PTCHD4: variants seen among roughly 807,000 people sequenced by gnomAD.
PTCHD4 encodes patched domain containing 4.
Under a neutral mutation model 58.1 loss-of-function variants are expected in PTCHD4, and 33 were observed. That is an observed-to-expected ratio of 0.57 (90% CI 0.43 to 0.76). The LOEUF (loss-of-function observed/expected upper bound fraction) is 0.76, where lower values mean the gene tolerates loss of function less well. PTCHD4 is among the 30% of genes least tolerant of loss of function. PTCHD4 has a pLI of 0.00. For synonymous variants in PTCHD4, 478 were observed against 409.6 expected, an observed-to-expected ratio of 1.17 and a Z score of -2.02; for missense variants, 1,058 against 1,027.1, an observed-to-expected ratio of 1.03 and a Z score of -0.41.
chr6:48,024,409 T>C (rs2114117820), intron 3 of PTCHD4, among the ~76,000 whole-genome samples: 1 of 152,218 alleles, frequency 6.6e-6, no homozygotes, highest in African/African-American at 2.4e-5. Context: ...AACTTGCTCT[T>C]AGGTCAACAC....
At chr6:47,981,482 C>T (rs915768550) in intron 4 of PTCHD4, among the ~76,000 whole-genome samples, 4 of 151,728 alleles carry the variant, frequency 2.6e-5, no homozygotes, top group East Asian at 1.9e-4. Context: ...CCCCTAGAGG[C>T]GTCATGGTGT....
At chr6:48,077,402 C>T (rs537881073) in intron 1 of PTCHD4, among the ~76,000 whole-genome samples, 13 of 152,266 alleles carry the variant, frequency 8.5e-5, no homozygotes, top group Non-Finnish European at 1.6e-4. Context: ...TTAGTGTATC[C>T]ACTTGCATTC....
intron 3 of PTCHD4, among the ~76,000 whole-genome samples, chr6:48,025,991 C>G (rs1033714606): frequency 6.6e-6 from 1 of 152,166 alleles, no homozygotes; most frequent in Non-Finnish European, 1.5e-5. Flanking sequence ...CATGACCTCA[C>G]AGCTATTGCT....
At chr6:48,032,924 G>A (rs1582051423) in intron 3 of PTCHD4, among the ~76,000 whole-genome samples, 2 of 151,996 alleles carry the variant, frequency 1.3e-5, no homozygotes, top group East Asian at 3.9e-4. Context: ...AGGTGGAATC[G>A]GTGTTTGATT....
intron 4 of PTCHD4, chr6:47,901,382 C>CATTA: frequency 1.1e-6 from 1 of 923,720 alleles, no homozygotes; most frequent in Non-Finnish European, 1.3e-6. Context: ...GGGAAGTGTT[C>CATTA]ATTACTCTTT....
chr6:48,062,382 C>T (rs1458630765), intron 3 of PTCHD4, among the ~76,000 whole-genome samples: 2 of 151,818 alleles, frequency 1.3e-5, no homozygotes, highest in Non-Finnish European at 2.9e-5. Flanking sequence ...TTCTGAACCA[C>T]TAAAGGAAAC....
At chr6:48,033,557 G>A (rs535283822) in intron 3 of PTCHD4, among the ~76,000 whole-genome samples, 2 of 151,468 alleles carry the variant, frequency 1.3e-5, no homozygotes, top group African/African-American at 4.9e-5. Flanking sequence ...AAACGCCCCA[G>A]GCCATATGTA....
At position 48,068,711 on chromosome 6, in the gene PTCHD4, C is replaced by T. The variant is rs1764896228; in HGVS notation, c.6-70G>A. 1 of 1,418,166 alleles carries T rather than the reference C, an allele frequency of 7.1e-7. No individual in the cohort carries two copies. The highest frequency in any genetic ancestry group is 9.4e-7 in the Non-Finnish European group (1 of 1,067,834). 87.8% of individuals were successfully genotyped at this position (1,418,166 alleles called of 1,614,324 possible). On this transcript the variant is annotated intron_variant, in intron 2 of 4. Coordinates refer to ENST00000339488, the MANE Select transcript of PTCHD4 (RefSeq NM_001384253.1). The surrounding 1 kb of genome is among the most constrained non-coding windows in gnomAD (Gnocchi z 4.2). ...TCTCCCCCATCCCACCCCCTGGGGCCAGTCCCCCCTCCCCACCGCCGCCGC... is the reference window on the plus strand; with the variant it reads ...TCTCCCCCATCCCACCCCCTGGGGCTAGTCCCCCCTCCCCACCGCCGCCGC...
intron 1 of PTCHD4, among the ~76,000 whole-genome samples, chr6:48,104,010 A>C (rs1319470315): frequency 6.6e-6 from 1 of 152,250 alleles, no homozygotes; most frequent in Non-Finnish European, 1.5e-5. Flanking sequence ...GAATGGAACC[A>C]AGTTGGAAAA....
chr6:48,065,445 A>G (rs561391306), intron 3 of PTCHD4, among the ~76,000 whole-genome samples: 1 of 152,178 alleles, frequency 6.6e-6, no homozygotes, highest in Non-Finnish European at 1.5e-5. Context: ...TTTTCCTCAA[A>G]TCTTGTACAC....
intron 1 of PTCHD4, among the ~76,000 whole-genome samples, chr6:48,095,583 G>A (rs1396189362): frequency 2.0e-5 from 3 of 152,000 alleles, no homozygotes; most frequent in Non-Finnish European, 4.4e-5. Flanking sequence ...CCAGTTATTC[G>A]GGAGGCTGAG....
At chr6:48,056,267 A>G (rs969361682) in intron 3 of PTCHD4, among the ~76,000 whole-genome samples, 1 of 152,226 alleles carries the variant, frequency 6.6e-6, no homozygotes, top group African/African-American at 2.4e-5. Context: ...GGAAAATAAG[A>G]AAGGTTCTAA....
At chr6:47,892,782 T>A (rs984935936) in intron 4 of PTCHD4, among the ~76,000 whole-genome samples, 1 of 152,138 alleles carries the variant, frequency 6.6e-6, no homozygotes, top group Non-Finnish European at 1.5e-5. Context: ...AAAGGACAAG[T>A]TTTAAGGGGC....
chr6:47,930,983 C>G (rs907934935), intron 4 of PTCHD4, among the ~76,000 whole-genome samples: 1 of 152,114 alleles, frequency 6.6e-6, no homozygotes, highest in African/African-American at 2.4e-5. Context: ...TGGGGTTTCA[C>G]CATGTTGGCT....
chr6:47,947,747 A>G (rs917668511), intron 4 of PTCHD4, among the ~76,000 whole-genome samples: 1 of 152,036 alleles, frequency 6.6e-6, no homozygotes, highest in Admixed American at 6.6e-5. Context: ...ATATTTGGAT[A>G]TGGATATCTT....
intron 4 of PTCHD4, among the ~76,000 whole-genome samples, chr6:47,937,980 C>T (rs1279782310): frequency 6.6e-6 from 1 of 151,928 alleles, no homozygotes; most frequent in African/African-American, 2.4e-5. Context: ...TGGTGAAACC[C>T]CATCTCTACT....
At chr6:48,091,957 C>T (rs1225101155) in intron 1 of PTCHD4, among the ~76,000 whole-genome samples, 1 of 151,752 alleles carries the variant, frequency 6.6e-6, no homozygotes, top group African/African-American at 2.4e-5. Flanking sequence ...ATTCTATTTT[C>T]TAAGATGCCC....
At chr6:47,990,005 G>T (rs1166122984) in intron 4 of PTCHD4, among the ~76,000 whole-genome samples, 1 of 152,228 alleles carries the variant, frequency 6.6e-6, no homozygotes, top group Admixed American at 6.5e-5. Flanking sequence ...GGGTGGAGCT[G>T]CCAAGACCAT....
intron 4 of PTCHD4, among the ~76,000 whole-genome samples, chr6:47,912,222 A>G (rs1000310277): frequency 1.3e-5 from 2 of 152,100 alleles, no homozygotes; most frequent in Non-Finnish European, 2.9e-5. Context: ...TCCTTCATGC[A>G]ACTAGACAAT....
Sources: allele counts gnomAD v4.1 joint callset (sites outside exome capture counted in the v4.1 genomes callset), GRCh38; gene constraint gnomAD v4.1.1; non-coding constraint Gnocchi (gnomAD v3.1); transcripts MANE v1.5; gene names NCBI Gene and HGNC (gene_info 2026-07-23, HGNC 2026-07-21).